TBCK: variants seen among roughly 807,000 people sequenced by gnomAD.
TBCK encodes the protein TBC1 domain containing kinase, also known as TBC domain-containing protein kinase-like protein.
TBCK carries 99 observed loss-of-function variants against 113.4 expected under a neutral mutation model. The observed-to-expected ratio is 0.87, with a 90% confidence interval of 0.74 to 1.03. The LOEUF (loss-of-function observed/expected upper bound fraction) is 1.03, where lower values mean the gene tolerates loss of function less well. Ranked by LOEUF, TBCK falls within the 50% of genes least tolerant of loss-of-function variation. The probability of loss-of-function intolerance (pLI) is 0.00; values close to 1 mark genes in which losing one functional copy is unlikely to be tolerated. For synonymous variants in TBCK, 369 were observed against 370.8 expected, an observed-to-expected ratio of 1.00 and a Z score of 0.05; for missense variants, 1,045 against 1,061.3, an observed-to-expected ratio of 0.98 and a Z score of 0.21.
intron 1 of TBCK, among the ~76,000 whole-genome samples, chr4:106,309,618 T>C (rs1366454372): frequency 5.3e-5 from 8 of 151,880 alleles, no homozygotes; most frequent in African/African-American, 1.9e-4. Context: ...GCTCCTCTCT[T>C]TACCTAAAGA....
intron 23 of TBCK, among the ~76,000 whole-genome samples, chr4:106,119,905 A>T (rs1474951019): frequency 6.6e-6 from 1 of 152,212 alleles, no homozygotes; most frequent in Non-Finnish European, 1.5e-5. Flanking sequence ...GGAAAAAAAA[A>T]TGGTCAACAC....
At chr4:106,178,527 A>G (rs900194666) in intron 22 of TBCK, among the ~76,000 whole-genome samples, 2 of 152,062 alleles carry the variant, frequency 1.3e-5, no homozygotes, top group Admixed American at 1.3e-4. Flanking sequence ...ATCATGAAGG[A>G]ATGTTGAATT....
intron 23 of TBCK, among the ~76,000 whole-genome samples, chr4:106,164,070 T>C (rs1750098026): frequency 6.6e-6 from 1 of 152,136 alleles, no homozygotes; most frequent in Non-Finnish European, 1.5e-5. Flanking sequence ...GATATGATTT[T>C]CTATAAAATG....
At chr4:106,172,687 G>C (rs1009157417) in intron 22 of TBCK, among the ~76,000 whole-genome samples, 1 of 152,084 alleles carries the variant, frequency 6.6e-6, no homozygotes, top group Admixed American at 6.6e-5. Context: ...TCTGTGGATA[G>C]TGCATGAGTA....
intron 20 of TBCK, among the ~76,000 whole-genome samples, chr4:106,204,972 A>G (rs1010525217): frequency 7.3e-5 from 11 of 151,060 alleles, no homozygotes; most frequent in African/African-American, 2.4e-4. Context: ...TCACCTTGTT[A>G]GCCAGGATGG....
chr4:106,186,264 G>A (rs1248540221), intron 22 of TBCK, among the ~76,000 whole-genome samples: 1 of 152,134 alleles, frequency 6.6e-6, no homozygotes, highest in Non-Finnish European at 1.5e-5. Flanking sequence ...TGGGATTGTT[G>A]GGTTGAATGG....
chr4:106,140,935 G>A (rs1429719904), intron 23 of TBCK, among the ~76,000 whole-genome samples: 3 of 140,392 alleles, frequency 2.1e-5, no homozygotes, highest in East Asian at 4.1e-4. Flanking sequence ...GTCTAAAATG[G>A]CAAAGCTCAG....
chr4:106,122,448 A>G (rs903660076), intron 23 of TBCK, among the ~76,000 whole-genome samples: 2 of 152,208 alleles, frequency 1.3e-5, no homozygotes, highest in Non-Finnish European at 2.9e-5. Flanking sequence ...CCAGAGGTAC[A>G]AGGAGGAACT....
chr4:106,192,910 T>C (rs1424611940), intron 22 of TBCK, among the ~76,000 whole-genome samples: 1 of 152,156 alleles, frequency 6.6e-6, no homozygotes, highest in African/African-American at 2.4e-5. Flanking sequence ...AATAAAGTAC[T>C]GTGAAGTTTT....
chr4:106,132,520 T>C (rs1746074118), intron 23 of TBCK, among the ~76,000 whole-genome samples: 1 of 152,200 alleles, frequency 6.6e-6, no homozygotes, highest in South Asian at 2.1e-4. Flanking sequence ...CATGCAAAAG[T>C]TTGCTGCTGG....
At chr4:106,209,497 TA>T (rs1026238844) in intron 20 of TBCK, among the ~76,000 whole-genome samples, 2 of 152,264 alleles carry the variant, frequency 1.3e-5, no homozygotes, top group Middle Eastern at 3.4e-3. Flanking sequence ...ATTTCTTAGA[TA>T]AAAAAATACA....
intron 19 of TBCK, among the ~76,000 whole-genome samples, chr4:106,219,459 TAG>T (rs1251755392): frequency 1.3e-5 from 2 of 151,462 alleles, no homozygotes; most frequent in Non-Finnish European, 3.0e-5. Context: ...AATCAGAAAG[TAG>T]AGATACGGTA....
chr4:106,046,640 C>A lies in TBCK; in HGVS notation c.2612G>T (p.Cys871Phe). 1.2e-6 allele frequency: 2 copies of A among 1,612,370 alleles called. No individual in the cohort carries two copies. The highest frequency in any genetic ancestry group is 1.1e-5 in the South Asian group (1 of 90,970). ...HLVKMKYPRI[C>F]ILDGGINKIK... Reference sequence around the variant, plus strand: ...TTTATTAATGCCACCATCTAGAATACAGATTCTTGGATATTTCATCTTCAC... The same window carrying A: ...TTTATTAATGCCACCATCTAGAATAAAGATTCTTGGATATTTCATCTTCAC... Residue 871 changes from cysteine to phenylalanine, a missense_variant, in exon 26 of 26, where the codon TGT becomes TTT. Physicochemically the swap from Cys to Phe is radical, Grantham distance 205. Transcript: ENST00000394708.
At chr4:106,284,804 A>G (rs949000690) in intron 3 of TBCK, among the ~76,000 whole-genome samples, 7 of 152,174 alleles carry the variant, frequency 4.6e-5, no homozygotes, top group Non-Finnish European at 8.8e-5. Context: ...CTGCTTTGAT[A>G]GCAGTGATAA....
chr4:106,056,061 G>C (rs1429101631), intron 25 of TBCK, among the ~76,000 whole-genome samples: 1 of 150,768 alleles, frequency 6.6e-6, no homozygotes, highest in Non-Finnish European at 1.5e-5. Context: ...TCTAGTAGAA[G>C]TCTTCTTTGA....
chr4:106,224,250 T>C (rs1328835867), intron 19 of TBCK, among the ~76,000 whole-genome samples: 1 of 152,118 alleles, frequency 6.6e-6, no homozygotes, highest in Non-Finnish European at 1.5e-5. Flanking sequence ...TGAGTGTATA[T>C]ATATTTTAGA....
chr4:106,214,541 C>T (rs936931512), intron 19 of TBCK, among the ~76,000 whole-genome samples: 2 of 151,978 alleles, frequency 1.3e-5, no homozygotes, highest in African/African-American at 2.4e-5. Context: ...GAGCTGAAAA[C>T]CAAGGCTCGA....
chr4:106,218,512 C>A (rs1216634950), intron 19 of TBCK, among the ~76,000 whole-genome samples: 36 of 125,288 alleles, frequency 2.9e-4, no homozygotes, highest in Non-Finnish European at 4.8e-4. Flanking sequence ...TGAACTCAAA[C>A]AAATTTACAA....
chr4:106,154,964 T>TA (rs1400467814), intron 23 of TBCK, among the ~76,000 whole-genome samples: 1 of 152,036 alleles, frequency 6.6e-6, no homozygotes, highest in Non-Finnish European at 1.5e-5. Flanking sequence ...TTTTTTTTTT[T>TA]AACCCTCAGA....
Sources: allele counts gnomAD v4.1 joint callset (sites outside exome capture counted in the v4.1 genomes callset), GRCh38; gene constraint gnomAD v4.1.1; transcripts MANE v1.5; gene names NCBI Gene and HGNC (gene_info 2026-07-23, HGNC 2026-07-21).